UVRAG: variants seen among roughly 807,000 people sequenced by gnomAD.
UVRAG encodes the protein UV radiation resistance associated, also known as UV radiation resistance-associated gene protein.
UVRAG carries 19 observed loss-of-function variants against 78.0 expected under a neutral mutation model. The observed-to-expected ratio is 0.24, with a 90% confidence interval of 0.17 to 0.36. The LOEUF is 0.36. Among genes scored for constraint, UVRAG ranks in the 10% least tolerant of loss-of-function variants. The pLI is 1.00. For synonymous variants in UVRAG, 323 were observed against 324.6 expected, an observed-to-expected ratio of 1.00 and a Z score of 0.05; for missense variants, 740 against 853.8, an observed-to-expected ratio of 0.87 and a Z score of 1.66.
chr11:75,824,676 T>C (rs1945471615), intron 1 of UVRAG, among the ~76,000 whole-genome samples: 1 of 144,212 alleles, frequency 6.9e-6, no homozygotes, highest in Non-Finnish European at 1.5e-5. Context: ...GTCATTTTTT[T>C]TTTTTTTTTT....
intron 14 of UVRAG, among the ~76,000 whole-genome samples, chr11:76,123,988 A>G (rs924668458): frequency 2.0e-5 from 3 of 151,672 alleles, no homozygotes; most frequent in South Asian, 4.2e-4. Context: ...CTGGTCTCGA[A>G]CTCCTGACCT....
At chr11:76,116,463 G>C (rs1006994479) in intron 14 of UVRAG, among the ~76,000 whole-genome samples, 4 of 152,222 alleles carry the variant, frequency 2.6e-5, no homozygotes, top group African/African-American at 9.6e-5. Context: ...CTTAGTTTGA[G>C]ACCAGTAGGT....
At chr11:75,987,049 A>G (rs756902320) in intron 8 of UVRAG, among the ~76,000 whole-genome samples, 1 of 152,236 alleles carries the variant, frequency 6.6e-6, no homozygotes, top group Admixed American at 6.5e-5. Context: ...TCTATCACAG[A>G]TAAAGCTGCT....
intron 13 of UVRAG, among the ~76,000 whole-genome samples, chr11:76,079,726 A>G (rs193129204): frequency 5.3e-5 from 8 of 152,306 alleles, no homozygotes; most frequent in African/African-American, 1.7e-4. Context: ...TTTTCTCTGA[A>G]GTAGAATTAG....
At chr11:75,936,109 A>G (rs56366270) in intron 6 of UVRAG, among the ~76,000 whole-genome samples, 19,596 of 152,190 alleles carry the variant, frequency 0.13, 2,728 homozygotes, top group African/African-American at 0.35. Context: ...TCTTTGGAAG[A>G]AGTAATGCGG....
At chr11:76,004,768 G>A (rs1416727558) in intron 9 of UVRAG, among the ~76,000 whole-genome samples, 1 of 152,034 alleles carries the variant, frequency 6.6e-6, no homozygotes, top group African/African-American at 2.4e-5. Flanking sequence ...GGGATTACAG[G>A]TGTGAGCCAT....
At chr11:76,073,230 C>T (rs764208604) in intron 13 of UVRAG, among the ~76,000 whole-genome samples, 10 of 152,164 alleles carry the variant, frequency 6.6e-5, no homozygotes, top group Non-Finnish European at 1.5e-4. Context: ...ACTTCTGCTG[C>T]ATACTGAAGT....
chr11:75,951,348 T>C (rs1215035990), intron 6 of UVRAG, among the ~76,000 whole-genome samples: 1 of 149,820 alleles, frequency 6.7e-6, no homozygotes, highest in African/African-American at 2.5e-5. Context: ...TGTGTGTGTG[T>C]GTGTGTGTGT....
At chr11:75,951,345 GTGTGTGTGTGTGTGTA>G (rs1484149701) in intron 6 of UVRAG, among the ~76,000 whole-genome samples, 3 of 148,990 alleles carry the variant, frequency 2.0e-5, no homozygotes, top group African/African-American at 7.7e-5. Flanking sequence ...GTGTGTGTGT[GTGTGTGTGTGTGTGTA>G]TATATTTTTT....
chr11:75,815,992 T>G (rs1315181703), intron 1 of UVRAG, among the ~76,000 whole-genome samples: 1 of 152,252 alleles, frequency 6.6e-6, no homozygotes, highest in African/African-American at 2.4e-5. Context: ...GCAAGAGCCC[T>G]GGAGGAGACT....
chr11:75,835,994 G>C (rs188024545), intron 1 of UVRAG, among the ~76,000 whole-genome samples: 1 of 152,140 alleles, frequency 6.6e-6, no homozygotes, highest in African/African-American at 2.4e-5. Flanking sequence ...CCAGCTACTT[G>C]GGAGGCTGAG....
chr11:75,983,766 A>G (rs1949441062), intron 8 of UVRAG: 1 of 337,614 alleles, frequency 3.0e-6, no homozygotes, highest in African/African-American at 2.1e-5. Flanking sequence ...CTTGTACAGC[A>G]TGTTACCATA....
At chr11:75,963,822 T>TA (rs1948958888) in intron 7 of UVRAG, among the ~76,000 whole-genome samples, 1 of 152,212 alleles carries the variant, frequency 6.6e-6, no homozygotes, top group Non-Finnish European at 1.5e-5. Context: ...TTATGTTTTA[T>TA]AAGTTTTTTG....
At chr11:75,891,652 AGTG>A (rs1243611113) in intron 5 of UVRAG, among the ~76,000 whole-genome samples, 2 of 152,162 alleles carry the variant, frequency 1.3e-5, no homozygotes, top group Non-Finnish European at 2.9e-5. Context: ...CTGTAATCCC[AGTG>A]GATTTTGGGA....
intron 13 of UVRAG, among the ~76,000 whole-genome samples, chr11:76,090,633 A>G (rs1458312248): frequency 6.6e-6 from 1 of 152,176 alleles, no homozygotes; most frequent in East Asian, 1.9e-4. Context: ...TACCACTCAG[A>G]TAAGCCATGT....
At position 76,031,086 on chromosome 11, in the gene UVRAG, T is replaced by G. The variant is rs565129931; in HGVS notation, c.1226+14106T>G. On this transcript the variant is annotated intron_variant, in intron 12 of 14. Transcript: ENST00000356136. Reference sequence around the variant, plus strand: ...AACATTCAGTTTTTGCAAATTCTATTAGGTAATCTGACACTCTACTCTGTG... The same window carrying G: ...AACATTCAGTTTTTGCAAATTCTATGAGGTAATCTGACACTCTACTCTGTG... Among the ~76,000 whole-genome samples, 6 of 152,250 alleles carry G rather than the reference T, an allele frequency of 3.9e-5. No individual in the cohort carries two copies. The South Asian group carries it at 1.2e-3, about 32-fold the overall frequency.
chr11:75,911,488 T>C, intron 5 of UVRAG: 1 of 173,852 alleles, frequency 5.8e-6, no homozygotes, highest in South Asian at 1.6e-4. Flanking sequence ...GTGTGATCCT[T>C]GTCATCTTCT....
At chr11:75,876,095 T>G (rs1189055259) in intron 3 of UVRAG, among the ~76,000 whole-genome samples, 2 of 151,954 alleles carry the variant, frequency 1.3e-5, no homozygotes, top group African/African-American at 2.4e-5. Flanking sequence ...CAAAGACCTC[T>G]AGATCTCCAC....
chr11:76,138,761 C>G (rs7928973), intron 14 of UVRAG, among the ~76,000 whole-genome samples: 7,863 of 152,300 alleles, frequency 0.052, 315 homozygotes, highest in African/African-American at 0.12. Flanking sequence ...GCTTCCACCC[C>G]TCGTGGGCTG....
Sources: gnomAD v4.1 joint callset for allele counts (sites outside exome capture counted in the v4.1 genomes callset) on GRCh38, gnomAD v4.1.1 for gene constraint, MANE v1.5 for transcripts, NCBI Gene and HGNC (gene_info 2026-07-23, HGNC 2026-07-21) for gene names.